The following DDIAS variants were observed in gnomAD, a reference collection of about 807,000 sequenced individuals.
DDIAS encodes DNA damage induced apoptosis suppressor, also known as DNA damage-induced apoptosis suppressor protein.
A neutral mutation model predicts 15.7 loss-of-function variants in DDIAS; 14 were observed. The observed-to-expected ratio is 0.89, with a 90% CI of 0.59 to 1.39. The LOEUF (loss-of-function observed/expected upper bound fraction) is 1.39. Ranked by LOEUF, DDIAS falls within the 40% of genes most tolerant of loss-of-function variation. The pLI, the probability that DDIAS is intolerant of heterozygous loss-of-function variation, is 0.00. For missense variants in DDIAS, 1,035 were observed against 1,130.9 expected (o/e 0.92, Z 1.22); for synonymous variants, 355 against 395.9 (o/e 0.90, Z 1.23).
intron 3 of DDIAS, among the ~76,000 whole-genome samples, chr11:82,919,131 T>TG (rs1423824599): frequency 7.9e-5 from 12 of 152,208 alleles, no homozygotes; most frequent in African/African-American, 1.4e-4. Flanking sequence ...TCCAGTAGTA[T>TG]GTTGAAGAAG....
chr11:82,907,684 C>A (rs1483022911), intron 1 of DDIAS, among the ~76,000 whole-genome samples: 1 of 152,216 alleles, frequency 6.6e-6, no homozygotes, highest in Non-Finnish European at 1.5e-5. Context: ...GAACTACAAG[C>A]ATGCACCACC....
intron 1 of DDIAS, chr11:82,909,317 A>G (rs1012375034): frequency 6.6e-6 from 1 of 152,094 alleles, no homozygotes; most frequent in Non-Finnish European, 1.5e-5. Context: ...CACTCTCATC[A>G]CCATCTTAGT....
chr11:82,928,484 C>A lies in DDIAS; in HGVS notation c.114-293C>A, dbSNP rs1860915015. ...AAAGTGCTGGGATTACAGGTGTGAA[C>A]CACCGCGCCCGGCCTTTTCGTCCTC... On this transcript the variant is annotated intron_variant, in intron 3 of 5. Coordinates refer to ENST00000533655, the MANE Select transcript of DDIAS (RefSeq NM_145018.4). Among the ~76,000 whole-genome samples the A allele has an allele frequency of 1.3e-5, 2 of 152,144 alleles. 1 individual carries two copies. The highest frequency in any genetic ancestry group is 4.8e-5 in the African/African-American group (2 of 41,530).
At position 82,901,833 on chromosome 11, in the gene DDIAS, TA is replaced by T. The variant is rs1297968492; in HGVS notation, c.-117+14del. On this transcript the variant is annotated intron_variant, in intron 1 of 5. Transcript: ENST00000533655. ...GGTCTTCTCCCCCAGGTGAGCTGGG[TA>T]AAGGGGTTCTCGGGAAGCCGAAGAG... 6.6e-6 allele frequency: 1 copy of T among 151,910 alleles called. No individual in the cohort carries two copies. The highest frequency in any genetic ancestry group is 1.5e-5 in the Non-Finnish European group (1 of 68,020). 9.4% of individuals were successfully genotyped at this position (151,910 alleles called of 1,614,324 possible).
chr11:82,916,604 A>T (rs1399443303), intron 3 of DDIAS, among the ~76,000 whole-genome samples: 1 of 152,214 alleles, frequency 6.6e-6, no homozygotes, highest in African/African-American at 2.4e-5. Flanking sequence ...TATTTTAAAG[A>T]TAATCTGCAA....
In DDIAS at chr11:82,934,323, A is replaced by G. The variant is rs775083328; in HGVS notation, c.2985A>G (p.Glu995=). The change falls in exon 6 of 6, where the codon GAA becomes GAG. Residue 995 remains glutamate (E), a synonymous_variant. Coordinates refer to ENST00000533655, the MANE Select transcript of DDIAS (RefSeq NM_145018.4). ...AAACTCGAAGTGCTTGGTCACCTGA[A>G]TTGTTTTCATAAAAAGTCACCTGAA... ...VCETRSAWSP[E]LFS The G allele has an allele frequency of 1.3e-6, 2 of 1,584,718 alleles. No homozygotes were observed. The highest frequency in any genetic ancestry group is 1.2e-5 in the South Asian group (1 of 85,944).
chr11:82,932,733 C>T lies in DDIAS; in HGVS notation c.1395C>T (p.Pro465=). The T allele has an allele frequency of 5.0e-6, 8 of 1,613,988 alleles. No homozygotes were observed. The highest frequency in any genetic ancestry group is 6.8e-6 in the Non-Finnish European group (8 of 1,180,022). ...ACCACAGCAGGTTATCTGTGACTCC[C>T]CAGAGAACTACTGGAGCCCTGCATA... ...HADHSRLSVT[P]QRTTGALHTP... The change falls in exon 6 of 6, where the codon CCC becomes CCT. Residue 465 remains proline, a synonymous_variant. Coordinates refer to ENST00000533655, the MANE Select transcript of DDIAS (RefSeq NM_145018.4).
Position 82,934,309 on chromosome 11 carries a change from G to A in DDIAS, c.2971G>A (p.Ala991Thr). The A allele has an allele frequency of 6.3e-7, 1 of 1,597,220 alleles. No homozygotes were observed. The highest frequency in any genetic ancestry group is 8.5e-7 in the Non-Finnish European group (1 of 1,174,314). The change falls in exon 6 of 6, where the codon GCT (alanine) becomes ACT (threonine). Residue 991 changes from alanine (A) to threonine (T), a missense_variant. By Grantham distance (58) the Ala-to-Thr change is moderately conservative (BLOSUM62 0). Coordinates refer to ENST00000533655, the MANE Select transcript of DDIAS (RefSeq NM_145018.4). ...ACCTTCAGTGTGTGAAACTCGAAGTGCTTGGTCACCTGAATTGTTTTCATA... is the reference window on the plus strand; with the variant it reads ...ACCTTCAGTGTGTGAAACTCGAAGTACTTGGTCACCTGAATTGTTTTCATA... ...GPPSVCETRS[A>T]WSPELFS
Position 82,934,361 on chromosome 11 carries a change from A to G in DDIAS, c.*26A>G. 6.5e-7 allele frequency: 1 copy of G among 1,548,468 alleles called. No individual in the cohort carries two copies. ...AAAGTCACCTGAACCCAATTCCTGA[A>G]CTTTTAAATCTGTTTGGAAATGTTT... On this transcript the variant is annotated 3_prime_UTR_variant, in exon 6 of 6. Transcript: ENST00000533655.
In DDIAS at chr11:82,934,099, T is replaced by C; in HGVS notation, c.2761T>C (p.Leu921=). 1 of 1,608,940 alleles carries C rather than the reference T, an allele frequency of 6.2e-7. No homozygotes were observed. Among genetic ancestry groups the C allele is most frequent in the Non-Finnish European group, 8.5e-7 (1 of 1,178,686 alleles). Residue 921 remains leucine (L), a synonymous_variant, in exon 6 of 6, where the codon TTA becomes CTA. Transcript: ENST00000533655. ...CAATAAAGGTTTAATTAAGAAGAAATTAAAGAATATGCTTGCAGCAGTTGT... is the reference window on the plus strand; with the variant it reads ...CAATAAAGGTTTAATTAAGAAGAAACTAAAGAATATGCTTGCAGCAGTTGT... The part of the protein sequence containing the change: ...GTNKGLIKKK[L]KNMLAAVVTK...
At position 82,933,209 on chromosome 11, in the gene DDIAS, G is replaced by C; in HGVS notation, c.1871G>C (p.Ser624Thr). The C allele has an allele frequency of 6.2e-7, 1 of 1,612,370 alleles. No individual in the cohort carries two copies. Among genetic ancestry groups the C allele is most frequent in the African/African-American group, 1.3e-5 (1 of 74,972 alleles). Residue 624 changes from serine (S) to threonine (T), a missense_variant, in exon 6 of 6, where the codon AGT becomes ACT. By Grantham distance (58) the Ser-to-Thr change is moderately conservative. Coordinates refer to ENST00000533655, the MANE Select transcript of DDIAS (RefSeq NM_145018.4). ...AGGTGGTCCAAGAACCAAGATGACA[G>C]TTTTACAATTTGCAGGAAACTTACA... ...YCRWSKNQDD[S>T]FTICRKLTYP...
chr11:82,933,329 G>T lies in DDIAS; in HGVS notation c.1991G>T (p.Ser664Ile). The part of the protein sequence containing the change: ...WGHINNNVTQ[S>I]YSIGYEGSYD... ...CATATCAATAACAACGTAACACAGA[G>T]CTATTCTATTGGTTATGAAGGTAGC... The change falls in exon 6 of 6, where the codon AGC becomes ATC. Residue 664 changes from serine to isoleucine, a missense_variant. By Grantham distance (142) the Ser-to-Ile change is moderately radical. Coordinates refer to ENST00000533655, the MANE Select transcript of DDIAS (RefSeq NM_145018.4). The T allele has an allele frequency of 6.2e-7, 1 of 1,614,016 alleles. No homozygotes were observed. Among genetic ancestry groups the T allele is most frequent in the South Asian group, 1.1e-5 (1 of 91,074 alleles).
chr11:82,930,183 C>T lies in DDIAS; in HGVS notation c.302C>T (p.Pro101Leu), dbSNP rs563128698. ...TACATTCAGGATCCTAATAAAATTC[C>T]AGAAACACTGGACAATGATACAACT... Reference protein sequence around the residue: ...HRYIQDPNKIPETLDNDTTQN... With the variant: ...HRYIQDPNKILETLDNDTTQN... Residue 101 changes from proline to leucine, a missense_variant, in exon 5 of 6, where the codon CCA becomes CTA. Coordinates refer to ENST00000533655, the MANE Select transcript of DDIAS (RefSeq NM_145018.4). The T allele has an allele frequency of 4.4e-6, 7 of 1,594,488 alleles. No homozygotes were observed. Among genetic ancestry groups the T allele is most frequent in the Admixed American group, 1.8e-5 (1 of 56,982 alleles).
At chr11:82,910,791 GTT>G (rs1287650813) in intron 1 of DDIAS, among the ~76,000 whole-genome samples, 1 of 151,000 alleles carries the variant, frequency 6.6e-6, no homozygotes, top group Non-Finnish European at 1.5e-5. Flanking sequence ...AATTTTTTTT[GTT>G]TTTTGGAGAG....
At chr11:82,925,305 T>C (rs1284338825) in intron 3 of DDIAS, among the ~76,000 whole-genome samples, 5 of 152,222 alleles carry the variant, frequency 3.3e-5, no homozygotes, top group African/African-American at 9.6e-5. Flanking sequence ...TTATGAGAAA[T>C]GTAGATAGAA....
chr11:82,933,335 C>T lies in DDIAS; in HGVS notation c.1997C>T (p.Ser666Phe). 6.2e-7 allele frequency: 1 copy of T among 1,613,982 alleles called. No homozygotes were observed. The highest frequency in any genetic ancestry group is 8.5e-7 in the Non-Finnish European group (1 of 1,179,964). ...AATAACAACGTAACACAGAGCTATT[C>T]TATTGGTTATGAAGGTAGCTATGAT... ...HINNNVTQSY[S>F]IGYEGSYDAS... The change falls in exon 6 of 6, where the codon TCT becomes TTT. Residue 666 changes from serine (S) to phenylalanine (F), a missense_variant. Transcript: ENST00000533655.
Position 82,931,737 on chromosome 11 carries a change from T to A in DDIAS, c.399T>A (p.Phe133Leu), listed in dbSNP as rs776848912. 1 of 1,570,760 alleles carries A rather than the reference T, an allele frequency of 6.4e-7. No individual in the cohort carries two copies. The highest frequency in any genetic ancestry group is 8.6e-7 in the Non-Finnish European group (1 of 1,163,802). ...TTTCTTTGCTTCTTTCACAGAATTTTGAAAACCAACCTGGACAAGGTTCAG... is the reference window on the plus strand; with the variant it reads ...TTTCTTTGCTTCTTTCACAGAATTTAGAAAACCAACCTGGACAAGGTTCAG... ...GQSFIFGVTN[F>L]ENQPGQGSDA... The change falls in exon 6 of 6, where the codon TTT becomes TTA. Residue 133 changes from phenylalanine (F) to leucine (L), a missense_variant. Transcript: ENST00000533655.
intron 4 of DDIAS, 36 bp from the exon 5 acceptor site, chr11:82,930,121 C>A (rs1860951642): frequency 1.6e-6 from 2 of 1,263,448 alleles, no homozygotes; most frequent in East Asian, 2.4e-5. Context: ...TTTCAAAGTT[C>A]ATTGCTTCAC....
chr11:82,912,022 A>C (rs1860538402), intron 1 of DDIAS, among the ~76,000 whole-genome samples: 1 of 152,226 alleles, frequency 6.6e-6, no homozygotes, highest in African/African-American at 2.4e-5. Context: ...TCAGTAAATC[A>C]TGCCATAAAC....
Sources: allele counts gnomAD v4.1 joint callset (sites outside exome capture counted in the v4.1 genomes callset), GRCh38; gene constraint gnomAD v4.1.1; transcripts MANE v1.5; gene names NCBI Gene and HGNC (gene_info 2026-07-23, HGNC 2026-07-21).